DIAPH2: variants seen among roughly 807,000 people sequenced by gnomAD.
DIAPH2 encodes diaphanous related formin 2.
DIAPH2 carries 35 observed loss-of-function variants against 92.7 expected under a neutral mutation model. The observed-to-expected ratio is 0.38, with a 90% confidence interval of 0.29 to 0.50. The LOEUF (loss-of-function observed/expected upper bound fraction) is 0.50. Ranked by LOEUF, DIAPH2 falls within the 20% of genes least tolerant of loss-of-function variation. DIAPH2 has a pLI of 0.94. For missense variants in DIAPH2, 701 were observed against 819.5 expected, an observed-to-expected ratio of 0.86 and a Z score of 1.77; for synonymous variants, 301 against 280.4, an observed-to-expected ratio of 1.07 and a Z score of -0.73.
At chrX:96,806,661 A>AAAAAAAAAAAAG (rs1166302976) in intron 4 of DIAPH2, among the ~76,000 whole-genome samples, 6 of 104,947 alleles carry the variant, frequency 5.7e-5, no homozygotes, top group African/African-American at 2.1e-4. Flanking sequence ...AAAAAAAAAA[A>AAAAAAAAAAAAG]AAAGAAACAA....
chrX:97,241,645 G>A (rs751430469), intron 22 of DIAPH2, among the ~76,000 whole-genome samples: 18 of 110,531 alleles, frequency 1.6e-4, no homozygotes, highest in African/African-American at 4.0e-4. Flanking sequence ...GAAGGAACTG[G>A]GTATGTATAG....
chrX:97,015,613 G>T (rs961827136), intron 17 of DIAPH2, among the ~76,000 whole-genome samples: 1 of 110,487 alleles, frequency 9.1e-6, no homozygotes, highest in Non-Finnish European at 1.9e-5. Context: ...ATATGTGTCG[G>T]TGTACATGTT....
At chrX:97,383,041 AC>A (rs1249479447) in intron 24 of DIAPH2, among the ~76,000 whole-genome samples, 6 of 112,030 alleles carry the variant, frequency 5.4e-5, no homozygotes, top group African/African-American at 1.9e-4. Context: ...TTCGTGATTT[AC>A]CTGAACTCAA....
chrX:97,265,224 A>T (rs756698085), intron 23 of DIAPH2, among the ~76,000 whole-genome samples: 1 of 111,664 alleles, frequency 9.0e-6, no homozygotes, highest in African/African-American at 3.2e-5. Flanking sequence ...TGACCAGAGG[A>T]GTGGTACTTT....
intron 22 of DIAPH2, among the ~76,000 whole-genome samples, chrX:97,207,900 T>C (rs1029466186): frequency 1.8e-5 from 2 of 111,509 alleles, no homozygotes; most frequent in African/African-American, 6.5e-5. Context: ...GCGCCTATAA[T>C]CCCAGCACTT....
At chrX:97,056,064 G>GT (rs757105531) in intron 17 of DIAPH2, among the ~76,000 whole-genome samples, 255 of 111,016 alleles carry the variant, frequency 2.3e-3, no homozygotes, top group Non-Finnish European at 4.2e-3. Flanking sequence ...GCTTGAAGTA[G>GT]TTTTTTTCAT....
chrX:96,771,169 A>G (rs1329901225), intron 4 of DIAPH2, among the ~76,000 whole-genome samples: 1 of 112,059 alleles, frequency 8.9e-6, no homozygotes, highest in South Asian at 3.7e-4. Flanking sequence ...TGTCTAAAAG[A>G]CAGCATGAAT....
rs183135584 is a variant in DIAPH2, at chrX:97,080,654, C to T, written c.2247+5393C>T. ...ATCTATATAACTTATTATTGGATAC[C>T]GACAGAATAATCAGAATGACACGAA... On this transcript the variant is annotated intron_variant, in intron 19 of 26. Transcript: ENST00000324765. Among the ~76,000 whole-genome samples the T allele has an allele frequency of 1.0e-2, 1,107 of 111,135 alleles. 17 individuals carry two copies. The highest frequency in any genetic ancestry group is 0.034 in the African/African-American group (1,044 of 30,548).
chrX:97,486,776 C>T (rs2070691607), intron 26 of DIAPH2, among the ~76,000 whole-genome samples: 1 of 111,104 alleles, frequency 9.0e-6, no homozygotes, highest in East Asian at 2.8e-4. Context: ...AGGAAGAAAA[C>T]TTAACAAGAG....
intron 4 of DIAPH2, among the ~76,000 whole-genome samples, chrX:96,850,975 TC>T (rs1569412663): frequency 2.7e-5 from 3 of 111,938 alleles, no homozygotes; most frequent in Non-Finnish European, 5.6e-5. Flanking sequence ...CTTATCTTTT[TC>T]CCCCCATTCT....
chrX:97,288,870 G>A (rs938499447), intron 23 of DIAPH2, among the ~76,000 whole-genome samples: 4 of 111,095 alleles, frequency 3.6e-5, no homozygotes, highest in African/African-American at 1.3e-4. Flanking sequence ...TGAACTTAAC[G>A]TGTCATATAT....
chrX:97,186,063 A>G (rs1167946237), intron 22 of DIAPH2, among the ~76,000 whole-genome samples: 1 of 111,281 alleles, frequency 9.0e-6, no homozygotes, highest in Non-Finnish European at 1.9e-5. Flanking sequence ...TCCCGGACCT[A>G]TATAAATGAT....
chrX:96,994,537 T>C (rs1046719757), intron 17 of DIAPH2, among the ~76,000 whole-genome samples: 2 of 111,797 alleles, frequency 1.8e-5, no homozygotes, highest in African/African-American at 6.5e-5. Flanking sequence ...CATCCACGTA[T>C]GTATGGAATT....
intron 26 of DIAPH2, among the ~76,000 whole-genome samples, chrX:97,529,823 GA>G (rs938358801): frequency 2.7e-5 from 3 of 109,447 alleles, no homozygotes; most frequent in African/African-American, 9.9e-5. Flanking sequence ...AGAGTACTGG[GA>G]AAAAAAAATA....
chrX:97,103,967 G>A (rs5966972), intron 20 of DIAPH2, among the ~76,000 whole-genome samples: 1,145 of 111,187 alleles, frequency 0.01, 20 homozygotes, highest in African/African-American at 0.036. Flanking sequence ...TCCCTCTCTT[G>A]TTTATACTTC....
chrX:97,052,665 C>A (rs1326338352), intron 17 of DIAPH2, among the ~76,000 whole-genome samples: 2 of 110,813 alleles, frequency 1.8e-5, no homozygotes, highest in Non-Finnish European at 3.8e-5. Context: ...AGAATAAGAG[C>A]ACAAATGCTG....
intron 20 of DIAPH2, among the ~76,000 whole-genome samples, chrX:97,109,595 C>A (rs903182640): frequency 3.6e-5 from 4 of 110,944 alleles, no homozygotes; most frequent in Non-Finnish European, 7.6e-5. Flanking sequence ...TAAGAAAAAG[C>A]TGTATGGGGC....
At chrX:96,870,378 C>T (rs2065132407) in intron 4 of DIAPH2, among the ~76,000 whole-genome samples, 4 of 109,662 alleles carry the variant, frequency 3.6e-5, no homozygotes. Context: ...TCTCCTGCCT[C>T]AGCCTCCCGA....
intron 23 of DIAPH2, among the ~76,000 whole-genome samples, chrX:97,262,767 A>G (rs1401868265): frequency 8.9e-6 from 1 of 112,055 alleles, no homozygotes; most frequent in East Asian, 2.8e-4. Context: ...AATTGTGTTT[A>G]AAGCCATTAG....
Sources: gnomAD v4.1 joint callset for allele counts (sites outside exome capture counted in the v4.1 genomes callset) on GRCh38, gnomAD v4.1.1 for gene constraint, MANE v1.5 for transcripts, NCBI Gene and HGNC (gene_info 2026-07-23, HGNC 2026-07-21) for gene names.